The following ASIC2 variants were observed in gnomAD, a reference collection of about 807,000 sequenced individuals.
ASIC2 encodes acid sensing ion channel subunit 2.
In ASIC2, 25 loss-of-function variants were observed where a neutral mutation model predicts 57.3. That is an observed-to-expected ratio of 0.44 (90% CI 0.32 to 0.61). The LOEUF (loss-of-function observed/expected upper bound fraction) is 0.61. Ranked by LOEUF, ASIC2 falls within the 20% of genes least tolerant of loss-of-function variation. ASIC2 has a pLI of 0.06. For synonymous variants in ASIC2, 319 were observed against 307.5 expected (o/e 1.04, Z -0.39); for missense variants, 641 against 738.1 (o/e 0.87, Z 1.52).
At chr17:34,050,344 C>T (rs749459105) in intron 1 of ASIC2, among the ~76,000 whole-genome samples, 2 of 152,080 alleles carry the variant, frequency 1.3e-5, no homozygotes, top group Non-Finnish European at 2.9e-5. Context: ...GTGGAAATGC[C>T]AGGTCTGTTA....
intron 1 of ASIC2, among the ~76,000 whole-genome samples, chr17:33,860,146 GC>G (rs1597905791): frequency 6.6e-6 from 1 of 152,126 alleles, no homozygotes; most frequent in Non-Finnish European, 1.5e-5. Context: ...AGATTATGGT[GC>G]CTACATTCTA....
intron 1 of ASIC2, among the ~76,000 whole-genome samples, chr17:33,760,395 T>C (rs1447170270): frequency 1.3e-5 from 2 of 152,096 alleles, no homozygotes; most frequent in Non-Finnish European, 2.9e-5. Flanking sequence ...AAATCAGTCA[T>C]CTTTGATGTT....
At chr17:34,096,091 T>C (rs1910537471) in intron 1 of ASIC2, among the ~76,000 whole-genome samples, 1 of 152,192 alleles carries the variant, frequency 6.6e-6, no homozygotes, top group Admixed American at 6.5e-5. Flanking sequence ...ATTCAACCTT[T>C]GACAAATATT....
intron 1 of ASIC2, among the ~76,000 whole-genome samples, chr17:33,583,495 G>A (rs1302372859): frequency 1.3e-5 from 2 of 152,160 alleles, no homozygotes; most frequent in Non-Finnish European, 2.9e-5. Flanking sequence ...TTGAATGTAT[G>A]CCCCAACCAT....
chr17:33,333,786 GGGAGA>G (rs1381164977), intron 1 of ASIC2, among the ~76,000 whole-genome samples: 1 of 152,204 alleles, frequency 6.6e-6, no homozygotes, highest in Admixed American at 6.5e-5. Context: ...GGAGGAGAAA[GGGAGA>G]GGAAAGAGGA....
At chr17:33,490,684 C>T (rs541068382) in intron 1 of ASIC2, among the ~76,000 whole-genome samples, 7 of 152,276 alleles carry the variant, frequency 4.6e-5, no homozygotes, top group East Asian at 1.9e-4. Context: ...TCCCCAGCCA[C>T]GTGGAACTGT....
At chr17:33,084,948 C>T (rs1165183259) in intron 3 of ASIC2, among the ~76,000 whole-genome samples, 1 of 152,090 alleles carries the variant, frequency 6.6e-6, no homozygotes, top group Non-Finnish European at 1.5e-5. Context: ...TTCTTTAGGA[C>T]AATAAAATAA....
At chr17:34,011,818 C>T (rs1906777042) in intron 1 of ASIC2, among the ~76,000 whole-genome samples, 2 of 152,188 alleles carry the variant, frequency 1.3e-5, no homozygotes, top group African/African-American at 4.8e-5. Context: ...ACTCACCCCA[C>T]TCCCCGCCCC....
intron 1 of ASIC2, among the ~76,000 whole-genome samples, chr17:34,013,323 T>C (rs982883865): frequency 6.6e-6 from 1 of 152,154 alleles, no homozygotes; most frequent in African/African-American, 2.4e-5. Flanking sequence ...GAACACAGAC[T>C]GTAGAACTAG....
chr17:33,760,413 C>A (rs1197311216), intron 1 of ASIC2, among the ~76,000 whole-genome samples: 1 of 152,028 alleles, frequency 6.6e-6, no homozygotes, highest in African/African-American at 2.4e-5. Flanking sequence ...GTTTTGCTGA[C>A]TTTCAGACCT....
intron 1 of ASIC2, among the ~76,000 whole-genome samples, chr17:33,727,304 T>C (rs888733893): frequency 5.3e-5 from 8 of 152,240 alleles, no homozygotes; most frequent in African/African-American, 1.7e-4. Flanking sequence ...CATGTCTATA[T>C]GCAGGAACTT....
At chr17:33,024,056 C>T in intron 5 of ASIC2, 42 bp from the exon 6 acceptor site, 1 of 1,611,426 alleles carries the variant, frequency 6.2e-7, no homozygotes, top group Non-Finnish European at 8.5e-7. Flanking sequence ...GGTGTGGGCA[C>T]TGGGATTTCT....
In ASIC2 at chr17:33,641,891, T is replaced by C. The variant is rs529398454; in HGVS notation, c.555+514087A>G. Among the ~76,000 whole-genome samples the C allele has an allele frequency of 5.4e-4, 82 of 152,354 alleles. 1 individual carries two copies. The highest frequency in any genetic ancestry group is 1.9e-3 in the African/African-American group (80 of 41,580). Reference sequence around the variant, plus strand: ...GCATAATGGGCATATTAACAGGCTCTATCACCCAGGGCTGTGGAAAGGATT... The same window carrying C: ...GCATAATGGGCATATTAACAGGCTCCATCACCCAGGGCTGTGGAAAGGATT... On this transcript the variant is annotated intron_variant, in intron 1 of 9. Transcript: ENST00000359872.
At chr17:33,378,103 G>A (rs1315410786) in intron 1 of ASIC2, among the ~76,000 whole-genome samples, 1 of 152,186 alleles carries the variant, frequency 6.6e-6, no homozygotes, top group Non-Finnish European at 1.5e-5. Context: ...CAGTAGATCT[G>A]GGAGTCAAGT....
chr17:33,991,919 G>A (rs1906011187), intron 1 of ASIC2, among the ~76,000 whole-genome samples: 1 of 152,156 alleles, frequency 6.6e-6, no homozygotes, highest in South Asian at 2.1e-4. Context: ...CAAAGCAAAT[G>A]AACTGGTGTT....
chr17:33,092,775 G>A (rs1305452490), intron 2 of ASIC2, among the ~76,000 whole-genome samples: 3 of 152,206 alleles, frequency 2.0e-5, no homozygotes, highest in East Asian at 1.9e-4. Context: ...TCATAGCTCT[G>A]GAGTTCTGAA....
At chr17:33,636,864 T>C (rs1906383277) in intron 1 of ASIC2, among the ~76,000 whole-genome samples, 1 of 151,558 alleles carries the variant, frequency 6.6e-6, no homozygotes, top group African/African-American at 2.4e-5. Flanking sequence ...CACAAGCATA[T>C]GCATGCACAC....
chr17:33,077,761 G>A (rs970195909), intron 3 of ASIC2, among the ~76,000 whole-genome samples: 3 of 152,224 alleles, frequency 2.0e-5, no homozygotes, highest in Admixed American at 6.5e-5. Context: ...AAGCCTGAAG[G>A]AGGAGGGGAG....
At chr17:33,459,993 T>C (rs1489969028) in intron 1 of ASIC2, among the ~76,000 whole-genome samples, 1 of 149,390 alleles carries the variant, frequency 6.7e-6, no homozygotes, top group Non-Finnish European at 1.5e-5. Context: ...GTGAAATGGT[T>C]AAAAAAAAAA....
Sources: gnomAD v4.1 joint callset for allele counts (sites outside exome capture counted in the v4.1 genomes callset) on GRCh38, gnomAD v4.1.1 for gene constraint, MANE v1.5 for transcripts, NCBI Gene and HGNC (gene_info 2026-07-23, HGNC 2026-07-21) for gene names.